Variants in GRIK4 observed in about 807,000 individuals in gnomAD.
GRIK4 encodes glutamate receptor ionotropic, kainate 4.
A neutral mutation model predicts 104.9 loss-of-function variants in GRIK4; 40 were observed. That is an observed-to-expected ratio of 0.38 (90% CI 0.30 to 0.50). The LOEUF (loss-of-function observed/expected upper bound fraction) is 0.50. Ranked by LOEUF, GRIK4 falls within the 20% of genes least tolerant of loss-of-function variation. The probability of loss-of-function intolerance (pLI) is 0.93; values close to 1 mark genes in which losing one functional copy is unlikely to be tolerated. For missense variants in GRIK4, 1,047 were observed against 1,308.1 expected (o/e 0.80, Z 3.08); for synonymous variants, 485 against 524.9 (o/e 0.92, Z 1.04).
Position 120,802,818 on chromosome 11 carries a change from G to C in GRIK4, c.208G>C (p.Glu70Gln), listed in dbSNP as rs760277624. Residue 70 changes from glutamate (E) to glutamine (Q), a missense_variant, in exon 4 of 21, where the codon GAG becomes CAG. Transcript: ENST00000527524. ...GKAKVEVDIFELLRDSEYETA... is the reference protein window; with the variant it reads ...GKAKVEVDIFQLLRDSEYETA... ...GGCCAAGGTCGAAGTGGACATCTTT[G>C]AGCTTCTCAGAGACAGCGAGTACGA... is the stretch of plus-strand genomic sequence containing the variant. 4 of 1,614,194 alleles carry C rather than the reference G, an allele frequency of 2.5e-6. No homozygotes were observed. The highest frequency in any genetic ancestry group is 3.4e-6 in the Non-Finnish European group (4 of 1,180,040).
chr11:120,764,137 G>A (rs1951793867), intron 3 of GRIK4, among the ~76,000 whole-genome samples: 1 of 152,180 alleles, frequency 6.6e-6, no homozygotes, highest in Non-Finnish European at 1.5e-5. Flanking sequence ...CCTGTATTGG[G>A]TGCATATATA....
chr11:120,691,141 C>T (rs761204465), intron 3 of GRIK4, among the ~76,000 whole-genome samples: 7 of 152,166 alleles, frequency 4.6e-5, no homozygotes, highest in Admixed American at 3.9e-4. Context: ...TCTCTGATGA[C>T]GCTGTTGCAT....
intron 1 of GRIK4, among the ~76,000 whole-genome samples, chr11:120,567,806 T>A (rs909548322): frequency 1.3e-5 from 2 of 152,200 alleles, no homozygotes; most frequent in Admixed American, 1.3e-4. Flanking sequence ...GTTGGGCTTT[T>A]TAAAAGTCTT....
intron 1 of GRIK4, among the ~76,000 whole-genome samples, chr11:120,647,415 C>A (rs925765664): frequency 6.6e-6 from 1 of 152,172 alleles, no homozygotes; most frequent in Admixed American, 6.6e-5. Context: ...CCCTCCCTTG[C>A]CCAGAAACTT....
intron 12 of GRIK4, among the ~76,000 whole-genome samples, chr11:120,901,878 C>T (rs1197762787): frequency 6.6e-6 from 1 of 152,186 alleles, no homozygotes; most frequent in African/African-American, 2.4e-5. Context: ...CGTGCACGTG[C>T]TCATGAGGGG....
At chr11:120,815,343 T>C in intron 4 of GRIK4, 35 bp from the exon 5 acceptor site, 1 of 1,290,180 alleles carries the variant, frequency 7.8e-7, no homozygotes, top group Non-Finnish European at 1.1e-6. Context: ...TGATGAGTGC[T>C]TTGCTTCTTT....
intron 1 of GRIK4, among the ~76,000 whole-genome samples, chr11:120,559,591 A>G (rs1331395960): frequency 1.3e-5 from 2 of 152,220 alleles, no homozygotes; most frequent in Non-Finnish European, 2.9e-5. Context: ...CTTCCAAAAC[A>G]ACATGCACAG....
At chr11:120,860,942 C>T (rs1954246682) in intron 8 of GRIK4, among the ~76,000 whole-genome samples, 1 of 152,032 alleles carries the variant, frequency 6.6e-6, no homozygotes, top group African/African-American at 2.4e-5. Flanking sequence ...TCGTTTCTCA[C>T]CATCCCTCTC....
At chr11:120,756,392 A>G (rs1951652145) in intron 3 of GRIK4, among the ~76,000 whole-genome samples, 1 of 152,170 alleles carries the variant, frequency 6.6e-6, no homozygotes, top group African/African-American at 2.4e-5. Flanking sequence ...TGATGGGGGT[A>G]AAATGTTCCC....
In GRIK4 at chr11:120,517,211, C is replaced by T. The variant is rs916606440; in HGVS notation, c.-159+5324C>T. 1.4e-4 allele frequency among the ~76,000 whole-genome samples: 21 copies of T among 149,310 alleles called. 5 individuals are homozygous for T. The highest frequency in any genetic ancestry group is 5.1e-4 in the African/African-American group (20 of 39,568). ...AGCTATCCCTAGTGCTTGCATAGAACAGGTGTTAAGTCAATATTTGTCCCA... is the reference window on the plus strand; with the variant it reads ...AGCTATCCCTAGTGCTTGCATAGAATAGGTGTTAAGTCAATATTTGTCCCA... On this transcript the variant is annotated intron_variant, in intron 1 of 20. Coordinates refer to ENST00000527524, the MANE Select transcript of GRIK4 (RefSeq NM_014619.5).
At chr11:120,593,653 A>G (rs1948764393) in intron 1 of GRIK4, among the ~76,000 whole-genome samples, 1 of 152,116 alleles carries the variant, frequency 6.6e-6, no homozygotes, top group Non-Finnish European at 1.5e-5. Flanking sequence ...TTTCAATACC[A>G]TCTATACAGT....
rs1947687462 is a variant in GRIK4, at chr11:120,513,616, T to TA, written c.-159+1730dup. Among the ~76,000 whole-genome samples the TA allele has an allele frequency of 6.6e-6, 1 of 152,194 alleles. No individual in the cohort carries two copies. The highest frequency in any genetic ancestry group is 1.5e-5 in the Non-Finnish European group (1 of 68,030). On this transcript the variant is annotated intron_variant, in intron 1 of 20. Coordinates refer to ENST00000527524, the MANE Select transcript of GRIK4 (RefSeq NM_014619.5). This position sits in a 1 kb window ranked among gnomAD's most constrained non-coding sequence, Gnocchi z 4.5. ...GAGAGTTAATCTAATATGCACACAT[T>TA]ACAGTGTCTGGGTTTGTTTAATTTT... is the stretch of plus-strand genomic sequence containing the variant.
At chr11:120,598,667 C>T (rs1392833899) in intron 1 of GRIK4, among the ~76,000 whole-genome samples, 1 of 152,216 alleles carries the variant, frequency 6.6e-6, no homozygotes, top group African/African-American at 2.4e-5. Context: ...TCAGTATCAG[C>T]TGTGGCAAGG....
chr11:120,738,799 T>G (rs1319528184), intron 3 of GRIK4, among the ~76,000 whole-genome samples: 1 of 152,218 alleles, frequency 6.6e-6, no homozygotes, highest in Non-Finnish European at 1.5e-5. Context: ...GTATTCTCCC[T>G]GTGTCTTGTT....
intron 13 of GRIK4, among the ~76,000 whole-genome samples, chr11:120,917,247 C>CAAAAAAAAAAA (rs199620498): frequency 1.1e-4 from 4 of 34,786 alleles, no homozygotes; most frequent in Non-Finnish European, 1.6e-4. Context: ...AACTCCGTCT[C>CAAAAAAAAAAA]AAAAAAAAAA....
intron 3 of GRIK4, among the ~76,000 whole-genome samples, chr11:120,796,085 G>A (rs1469009900): frequency 6.7e-6 from 1 of 150,104 alleles, no homozygotes; most frequent in Non-Finnish European, 1.5e-5. Context: ...GCCAAGGCCG[G>A]AGTGCAGTGG....
At chr11:120,898,288 A>G (rs1014483471) in intron 11 of GRIK4, among the ~76,000 whole-genome samples, 3 of 151,642 alleles carry the variant, frequency 2.0e-5, no homozygotes, top group Non-Finnish European at 4.4e-5. Context: ...TTATTTCTCC[A>G]TTTTCCTCTC....
At chr11:120,907,320 C>T (rs535344834) in intron 13 of GRIK4, among the ~76,000 whole-genome samples, 10 of 152,140 alleles carry the variant, frequency 6.6e-5, no homozygotes, top group Non-Finnish European at 1.2e-4. Context: ...TGTCAGTGCA[C>T]AGCCATCTCC....
In GRIK4 at chr11:120,530,386, G is replaced by A. The variant is rs542357990; in HGVS notation, c.-159+18499G>A. On this transcript the variant is annotated intron_variant, in intron 1 of 20. Transcript: ENST00000527524. Reference sequence around the variant, plus strand: ...CTCTAGAAGATGGGTCCTTGCTGGGGTGTGGGTGGGGGTAGGGGGACTTAT... The same window carrying A: ...CTCTAGAAGATGGGTCCTTGCTGGGATGTGGGTGGGGGTAGGGGGACTTAT... Among the ~76,000 whole-genome samples the A allele has an allele frequency of 1.6e-3, 244 of 152,210 alleles. 2 individuals carry two copies. Among genetic ancestry groups the A allele is most frequent in the African/African-American group, 5.4e-3 (225 of 41,542 alleles).
Sources: allele counts gnomAD v4.1 joint callset (sites outside exome capture counted in the v4.1 genomes callset), GRCh38; gene constraint gnomAD v4.1.1; non-coding constraint Gnocchi (gnomAD v3.1); transcripts MANE v1.5; gene names NCBI Gene and HGNC (gene_info 2026-07-23, HGNC 2026-07-21).